PSME1: variants seen among roughly 807,000 people sequenced by gnomAD.
The protein encoded by PSME1 is proteasome activator complex subunit 1.
Under a neutral mutation model 38.4 loss-of-function variants are expected in PSME1, and 15 were observed. That is an observed-to-expected ratio of 0.39 (90% confidence interval 0.26 to 0.60). PSME1 has a LOEUF of 0.60. PSME1 is among the 20% of genes least tolerant of loss of function. The pLI, the probability that PSME1 is intolerant of heterozygous loss-of-function variation, is 0.53. For missense variants in PSME1, 249 were observed against 305.6 expected (o/e 0.81, Z 1.38); for synonymous variants, 106 against 106.8 (o/e 0.99, Z 0.05).
chr14:24,137,754 G>T lies in PSME1; in HGVS notation c.347G>T (p.Arg116Leu). 6.2e-7 allele frequency: 1 copy of T among 1,614,238 alleles called. No homozygotes were observed. The highest frequency in any genetic ancestry group is 8.5e-7 in the Non-Finnish European group (1 of 1,180,040). ...CNEKIVVLLQ[R>L]LKPEIKDVIE... Reference sequence around the variant, plus strand: ...GAAAAGATCGTGGTCCTTCTGCAGCGCTTGAAGCCTGAGATCAAGGATGTC... The same window carrying T: ...GAAAAGATCGTGGTCCTTCTGCAGCTCTTGAAGCCTGAGATCAAGGATGTC... Residue 116 changes from arginine to leucine, a missense_variant, in exon 6 of 11, where the codon CGC becomes CTC. Physicochemically the swap from Arg to Leu is moderately radical, Grantham distance 102. Coordinates refer to ENST00000206451, the MANE Select transcript of PSME1 (RefSeq NM_006263.4).
Position 24,136,845 on chromosome 14 carries a change from A to G in PSME1, c.40-140A>G, listed in dbSNP as rs1167779443. On this transcript the variant is annotated intron_variant, in intron 1 of 10. Coordinates refer to ENST00000206451, the MANE Select transcript of PSME1 (RefSeq NM_006263.4). The surrounding 1 kb of genome is among the most constrained non-coding windows in gnomAD (Gnocchi z 4.8). ...ACCCCAACCCACCCTACAGGCATCC[A>G]TCTCGCTTTCTTCAGGTCTGGCCTT... 1.1e-6 allele frequency: 1 copy of G among 941,380 alleles called. No individual in the cohort carries two copies. Among genetic ancestry groups the G allele is most frequent in the East Asian group, 2.6e-5 (1 of 39,032 alleles). 58.3% of individuals were successfully genotyped at this position (941,380 alleles called of 1,614,324 possible). A position where few individuals can be genotyped will look rare whatever the true frequency, so the allele number is the denominator to read the frequency against.
chr14:24,138,446 G>T (rs756610364), intron 9 of PSME1, 28 bp from the exon 10 acceptor site: 2 of 1,614,072 alleles, frequency 1.2e-6, no homozygotes, highest in Non-Finnish European at 1.7e-6. Context: ...ACACATGTAA[G>T]GTCAGGCCTG....
chr14:24,137,807 C>T lies in PSME1; in HGVS notation c.390+10C>T. On this transcript the variant is annotated intron_variant, in intron 6 of 10. Transcript: ENST00000206451. ...TGAGCAGCTCAACCTGGTAAGCCCTCCCCCTTAAACTCTCAGGCTTCAAGT... is the reference window on the plus strand; with the variant it reads ...TGAGCAGCTCAACCTGGTAAGCCCTTCCCCTTAAACTCTCAGGCTTCAAGT... The T allele has an allele frequency of 6.2e-7, 1 of 1,611,720 alleles. No individual in the cohort carries two copies. The highest frequency in any genetic ancestry group is 8.5e-7 in the Non-Finnish European group (1 of 1,177,804).
Position 24,138,863 on chromosome 14 carries a change from C to T in PSME1, c.*47C>T. 6.2e-7 allele frequency: 1 copy of T among 1,600,862 alleles called. No individual in the cohort carries two copies. Among genetic ancestry groups the T allele is most frequent in the Non-Finnish European group, 8.5e-7 (1 of 1,171,778 alleles). On this transcript the variant is annotated 3_prime_UTR_variant, in exon 11 of 11. Transcript: ENST00000206451. The stretch of plus-strand genomic sequence containing the variant: ...GATGAGTACAGCAGAGACCTTCCTG[C>T]TTTTTACTGGGGACTCCAGATTTTC...
chr14:24,138,249 C>T lies in PSME1; in HGVS notation c.513C>T (p.His171=). 1 of 1,614,218 alleles carries T rather than the reference C, an allele frequency of 6.2e-7. No individual in the cohort carries two copies. Among genetic ancestry groups the T allele is most frequent in the Non-Finnish European group, 8.5e-7 (1 of 1,180,022 alleles). Residue 171 remains histidine (H), a synonymous_variant, in exon 8 of 11, where the codon CAC becomes CAT. Coordinates refer to ENST00000206451, the MANE Select transcript of PSME1 (RefSeq NM_006263.4). ...TSLHTKLEGF[H]TQISKYFSER... is the part of the protein sequence containing the mutation. ...TCCACACCAAGCTAGAAGGCTTCCA[C>T]ACTCAAATCTCTAAGTGAGTGACCA...
At position 24,136,374 on chromosome 14, in the gene PSME1, GC is replaced by G; in HGVS notation, c.39+79del. 11 of 1,382,938 alleles carry G rather than the reference GC, an allele frequency of 8.0e-6. No homozygotes were observed. Among genetic ancestry groups the G allele is most frequent in the South Asian group, 5.8e-5 (4 of 69,330 alleles). The allele number at this position is 1,382,938 out of a possible 1,614,324, so 85.7% of individuals were successfully genotyped here. ...GAGCGGCCGGGGGCATCCCCGACCCGCCCCCCAGGCTCCCACGCGAGTCGGG... is the reference window on the plus strand; with the variant it reads ...GAGCGGCCGGGGGCATCCCCGACCCGCCCCCAGGCTCCCACGCGAGTCGGG... On this transcript the variant is annotated intron_variant, in intron 1 of 10. Coordinates refer to ENST00000206451, the MANE Select transcript of PSME1 (RefSeq NM_006263.4). The surrounding 1 kb of genome is among the most constrained non-coding windows in gnomAD (Gnocchi z 4.8).
rs11548692 is a variant in PSME1, at chr14:24,137,719, G to A, written c.312G>A (p.Val104=). Residue 104 remains valine, a synonymous_variant, in exon 6 of 11, where the codon GTG becomes GTA. Transcript: ENST00000206451. The part of the protein sequence containing the change: ...DEDKGPPCGP[V]NCNEKIVVLL... ...CTCTAGGTCCTCCCTGTGGCCCAGT[G>A]AACTGCAATGAAAAGATCGTGGTCC... The A allele has an allele frequency of 0.026, 42,487 of 1,614,066 alleles. 716 individuals are homozygous for A. Among genetic ancestry groups the A allele is most frequent in the Middle Eastern group, 0.056 (338 of 6,062 alleles).
chr14:24,136,827 C>A lies in PSME1; in HGVS notation c.40-158C>A. 1 of 807,024 alleles carries A rather than the reference C, an allele frequency of 1.2e-6. No individual in the cohort carries two copies. The highest frequency in any genetic ancestry group is 2.1e-6 in the Non-Finnish European group (1 of 478,548). 50.0% of individuals were successfully genotyped at this position (807,024 alleles called of 1,614,324 possible). ...AGATCCACCTTCTCCACCACCCCAACCCACCCTACAGGCATCCATCTCGCT... is the reference window on the plus strand; with the variant it reads ...AGATCCACCTTCTCCACCACCCCAAACCACCCTACAGGCATCCATCTCGCT... On this transcript the variant is annotated intron_variant, in intron 1 of 10. Coordinates refer to ENST00000206451, the MANE Select transcript of PSME1 (RefSeq NM_006263.4). This position sits in a 1 kb window ranked among gnomAD's most constrained non-coding sequence, Gnocchi z 4.8.
rs1168579951 is a variant in PSME1, at chr14:24,136,384, C to G, written c.39+83C>G. On this transcript the variant is annotated intron_variant, in intron 1 of 10. Coordinates refer to ENST00000206451, the MANE Select transcript of PSME1 (RefSeq NM_006263.4). This position sits in a 1 kb window ranked among gnomAD's most constrained non-coding sequence, Gnocchi z 4.8. The stretch of plus-strand genomic sequence containing the variant: ...GGGCATCCCCGACCCGCCCCCCAGG[C>G]TCCCACGCGAGTCGGGGGCAGTCGG... The G allele has an allele frequency of 1.5e-5, 20 of 1,348,956 alleles. No homozygotes were observed. The South Asian group carries it at 2.7e-4, about 18-fold the overall frequency. 83.6% of individuals were successfully genotyped at this position (1,348,956 alleles called of 1,614,324 possible). A position where few individuals can be genotyped will look rare whatever the true frequency, so the allele number is the denominator to read the frequency against.
In PSME1 at chr14:24,136,448, G is replaced by A; in HGVS notation, c.39+147G>A. 1.3e-6 allele frequency: 1 copy of A among 750,654 alleles called. No homozygotes were observed. The highest frequency in any genetic ancestry group is 2.0e-6 in the Non-Finnish European group (1 of 512,636). 46.5% of individuals were successfully genotyped at this position (750,654 alleles called of 1,614,324 possible). Reference sequence around the variant, plus strand: ...CCCGGAGCACCTGCGCCCCGGGGAGGGCGGCGACTGCTGCCTGCGGGGAGA... The same window carrying A: ...CCCGGAGCACCTGCGCCCCGGGGAGAGCGGCGACTGCTGCCTGCGGGGAGA... On this transcript the variant is annotated intron_variant, in intron 1 of 10. Transcript: ENST00000206451. This position sits in a 1 kb window ranked among gnomAD's most constrained non-coding sequence, Gnocchi z 4.8.
rs781096179 is a variant in PSME1, at chr14:24,138,529, G to A, written c.638G>A (p.Arg213Gln). Residue 213 changes from arginine to glutamine, a missense_variant, in exon 10 of 11, where the codon CGG (arginine) becomes CAG (glutamine). Transcript: ENST00000206451. ...GATGAGGCAGAGTACCGGGACATCC[G>A]GCTGATGGTCATGGAGATCCGCAAT... ...ELDEAEYRDI[R>Q]LMVMEIRNAY... The A allele has an allele frequency of 1.2e-5, 20 of 1,613,880 alleles. No individual in the cohort carries two copies. The highest frequency in any genetic ancestry group is 4.4e-5 in the South Asian group (4 of 91,084).
Position 24,137,735 on chromosome 14 carries a change from ATCGTGG to A in PSME1, c.331_336del (p.Val111_Val112del), listed in dbSNP as rs769881798. On this transcript the variant is annotated inframe_deletion, in exon 6 of 11. Coordinates refer to ENST00000206451, the MANE Select transcript of PSME1 (RefSeq NM_006263.4). ...TGGCCCAGTGAACTGCAATGAAAAG[ATCGTGG>A]TCCTTCTGCAGCGCTTGAAGCCTGA... is the stretch of plus-strand genomic sequence containing the variant. 1 of 1,614,162 alleles carries A rather than the reference ATCGTGG, an allele frequency of 6.2e-7. No homozygotes were observed. The highest frequency in any genetic ancestry group is 1.1e-5 in the South Asian group (1 of 91,078).
chr14:24,137,542 A>AG lies in PSME1; in HGVS notation c.270dup (p.Lys91GlufsTer5). ...CAGAAGGAAGACAAGGATGAAAAGA[A>AG]GAAGGGGGAGGATGAAGACAAAGGT... On this transcript the variant is annotated frameshift_variant, in exon 5 of 11. Coordinates refer to ENST00000206451, the MANE Select transcript of PSME1 (RefSeq NM_006263.4). LOFTEE classifies it high-confidence loss of function. 1 of 1,614,246 alleles carries AG rather than the reference A, an allele frequency of 6.2e-7. No homozygotes were observed. The highest frequency in any genetic ancestry group is 8.5e-7 in the Non-Finnish European group (1 of 1,180,046).
rs932945663 is a variant in PSME1, at chr14:24,138,875, G to A, written c.*59G>A. 20 of 1,594,440 alleles carry A rather than the reference G, an allele frequency of 1.3e-5. No homozygotes were observed. The highest frequency in any genetic ancestry group is 1.4e-5 in the Non-Finnish European group (16 of 1,167,866). On this transcript the variant is annotated 3_prime_UTR_variant, in exon 11 of 11. Coordinates refer to ENST00000206451, the MANE Select transcript of PSME1 (RefSeq NM_006263.4). ...AGAGACCTTCCTGCTTTTTACTGGGGACTCCAGATTTTCCCCAAACTTGCT... is the reference window on the plus strand; with the variant it reads ...AGAGACCTTCCTGCTTTTTACTGGGAACTCCAGATTTTCCCCAAACTTGCT...
At position 24,136,334 on chromosome 14, in the gene PSME1, G is replaced by T; in HGVS notation, c.39+33G>T. On this transcript the variant is annotated intron_variant, in intron 1 of 10. Coordinates refer to ENST00000206451, the MANE Select transcript of PSME1 (RefSeq NM_006263.4). This position sits in a 1 kb window ranked among gnomAD's most constrained non-coding sequence, Gnocchi z 4.8. ...CCGCGGGGTCTAGAAAGGGCCCACT[G>T]GGGAGGCGTGGCTGGAGCGGCCGGG... 6.7e-7 allele frequency: 1 copy of T among 1,499,748 alleles called. No individual in the cohort carries two copies. The highest frequency in any genetic ancestry group is 2.9e-5 in the East Asian group (1 of 34,426). The allele number at this position is 1,499,748 out of a possible 1,614,324, so 92.9% of individuals were successfully genotyped here. A position where few individuals can be genotyped will look rare whatever the true frequency, so the allele number is the denominator to read the frequency against.
In PSME1 at chr14:24,136,949, A is replaced by C; in HGVS notation, c.40-36A>C. The stretch of plus-strand genomic sequence containing the variant: ...ACTGTCCTCAAATGAACTGGCCTTA[A>C]AGCCAAGTTTCTGAAGGGATGCGTG... On this transcript the variant is annotated intron_variant, in intron 1 of 10. Coordinates refer to ENST00000206451, the MANE Select transcript of PSME1 (RefSeq NM_006263.4). The surrounding 1 kb of genome is among the most constrained non-coding windows in gnomAD (Gnocchi z 4.8). 1.2e-6 allele frequency: 2 copies of C among 1,613,796 alleles called. No individual in the cohort carries two copies. The highest frequency in any genetic ancestry group is 1.7e-5 in the Admixed American group (1 of 60,030).
rs370880151 is a variant in PSME1, at chr14:24,138,576, C to T, written c.669+16C>T. On this transcript the variant is annotated intron_variant, in intron 10 of 10. Transcript: ENST00000206451. ...CAATGCTTATGTGAGGAGGCAAGGG[C>T]AGGGCAGGGGTGGGCAGAGGCAGCT... 5 of 1,613,884 alleles carry T rather than the reference C, an allele frequency of 3.1e-6. No homozygotes were observed. In the African/African-American group the frequency reaches 6.7e-5, roughly 22 times the overall value.
At position 24,137,756 on chromosome 14, in the gene PSME1, T is replaced by C. The variant is rs748767601; in HGVS notation, c.349T>C (p.Leu117=). 6.2e-7 allele frequency: 1 copy of C among 1,614,244 alleles called. No homozygotes were observed. The highest frequency in any genetic ancestry group is 2.2e-5 in the East Asian group (1 of 44,890). The change falls in exon 6 of 11, where the codon TTG becomes CTG. Residue 117 remains leucine (L), a synonymous_variant. Transcript: ENST00000206451. ...AAAGATCGTGGTCCTTCTGCAGCGC[T>C]TGAAGCCTGAGATCAAGGATGTCAT... ...NEKIVVLLQR[L]KPEIKDVIEQ...
chr14:24,138,606 C>T (rs1382589630), intron 10 of PSME1, 46 bp downstream of exon 10: 1 of 1,613,916 alleles, frequency 6.2e-7, no homozygotes, highest in Non-Finnish European at 8.5e-7. Flanking sequence ...GCAGCTTTCC[C>T]AGGCCACCCA....
Sources: gnomAD v4.1 joint callset for allele counts on GRCh38, gnomAD v4.1.1 for gene constraint, Gnocchi (gnomAD v3.1) non-coding constraint, MANE v1.5 for transcripts, NCBI Gene and HGNC (gene_info 2026-07-23, HGNC 2026-07-21) for gene names.